DAAM2: variants seen among roughly 807,000 people sequenced by gnomAD.
DAAM2 encodes dishevelled associated activator of morphogenesis 2.
A neutral mutation model predicts 120.7 loss-of-function variants in DAAM2; 39 were observed. The observed-to-expected ratio is 0.32, with a 90% CI of 0.25 to 0.42. The LOEUF (loss-of-function observed/expected upper bound fraction) is 0.42, where lower values mean the gene tolerates loss of function less well. Ranked by LOEUF, DAAM2 falls within the 10% of genes least tolerant of loss-of-function variation. The pLI is 1.00. For synonymous variants in DAAM2, 488 were observed against 524.9 expected (o/e 0.93, Z 0.96); for missense variants, 1,283 against 1,401.7 (o/e 0.92, Z 1.35).
chr6:39,855,546 C>T (rs768075324), intron 1 of DAAM2, among the ~76,000 whole-genome samples: 3 of 152,200 alleles, frequency 2.0e-5, no homozygotes, highest in South Asian at 2.1e-4. Context: ...ACCCAGGCTT[C>T]GCTCTGACTC....
rs954433919 is a variant in DAAM2 at position 39,866,914 on chromosome 6, A to G, written c.429-596A>G. ...ACTAAATTTTAATTAGAAGTTACCA[A>G]AAATAAAAATGTAATTTTCTTTTCC... On this transcript the variant is annotated intron_variant, in intron 5 of 24. Coordinates refer to ENST00000274867, the MANE Select transcript of DAAM2 (RefSeq NM_001201427.2). Among the ~76,000 whole-genome samples the G allele has an allele frequency of 2.6e-5, 4 of 152,268 alleles. No homozygotes were observed. The South Asian group carries it at 6.2e-4, about 24-fold the overall frequency.
At chr6:39,883,580 A>C (rs1195904583) in intron 14 of DAAM2, 1 of 193,972 alleles carries the variant, frequency 5.2e-6, no homozygotes, top group African/African-American at 2.3e-5. Context: ...GGGTGACTCC[A>C]GGCAACCTGC....
At chr6:39,880,700 C>G (rs2149333639) in intron 14 of DAAM2, among the ~76,000 whole-genome samples, 1 of 152,328 alleles carries the variant, frequency 6.6e-6, no homozygotes, top group Admixed American at 6.5e-5. Flanking sequence ...CCCTCTGCCT[C>G]TGGCTTTATA....
At position 39,865,088 on chromosome 6, in the gene DAAM2, C is replaced by A; in HGVS notation, c.428+14C>A. On this transcript the variant is annotated intron_variant, in intron 5 of 24. Coordinates refer to ENST00000274867, the MANE Select transcript of DAAM2 (RefSeq NM_001201427.2). ...ACAGCCTATGAGGTAATTCAGTTTC[C>A]CCCTCTTGCTTCCTGCTGAGTCCCT... is the stretch of plus-strand genomic sequence containing the variant. The A allele has an allele frequency of 6.9e-7, 1 of 1,449,810 alleles. No individual in the cohort carries two copies. Among genetic ancestry groups the A allele is most frequent in the Non-Finnish European group, 9.6e-7 (1 of 1,045,238 alleles). The allele number at this position is 1,449,810 out of a possible 1,614,324, so 89.8% of individuals were successfully genotyped here. A position where few individuals can be genotyped will look rare whatever the true frequency, so the allele number is the denominator to read the frequency against.
rs556010040 is a variant in DAAM2, at chr6:39,883,533, A to G, written c.1846-429A>G. 5 of 163,378 alleles carry G rather than the reference A, an allele frequency of 3.1e-5. 1 individual carries two copies. In the South Asian group the frequency reaches 9.1e-4, roughly 30 times the overall value. 10.1% of individuals were successfully genotyped at this position (163,378 alleles called of 1,614,324 possible). A position where few individuals can be genotyped will look rare whatever the true frequency, so the allele number is the denominator to read the frequency against. On this transcript the variant is annotated intron_variant, in intron 14 of 24. Coordinates refer to ENST00000274867, the MANE Select transcript of DAAM2 (RefSeq NM_001201427.2). ...GCAGCTTTGAGGATCCAAAATATGT[A>G]TGGCTTTAATCTTCCAATGATGGCT...
intron 11 of DAAM2, among the ~76,000 whole-genome samples, chr6:39,875,669 C>T (rs1413954324): frequency 2.0e-5 from 3 of 152,158 alleles, no homozygotes; most frequent in Admixed American, 6.5e-5. Context: ...CCAAATGTGG[C>T]TATGGAGTAC....
At chr6:39,879,550 C>A in intron 14 of DAAM2, 73 bp downstream of exon 14, 1 of 1,592,032 alleles carries the variant, frequency 6.3e-7, no homozygotes, top group Non-Finnish European at 8.6e-7. Flanking sequence ...ACCACCCGCC[C>A]CTTGTTTACA....
intron 1 of DAAM2, among the ~76,000 whole-genome samples, chr6:39,826,519 C>T (rs1011405671): frequency 1.3e-5 from 2 of 152,188 alleles, no homozygotes; most frequent in Non-Finnish European, 1.5e-5. Context: ...CTCAGGTGAT[C>T]GGTTGTGTAG....
chr6:39,867,490 T>C lies in DAAM2; in HGVS notation c.429-20T>C, dbSNP rs1344401686. ...AGAATCATATGCAAATATATGTTTG[T>C]TAATGGCTCTGATTTGTAGGTTTGT... On this transcript the variant is annotated intron_variant, in intron 5 of 24. Coordinates refer to ENST00000274867, the MANE Select transcript of DAAM2 (RefSeq NM_001201427.2). 6.2e-7 allele frequency: 1 copy of C among 1,609,904 alleles called. No individual in the cohort carries two copies. The highest frequency in any genetic ancestry group is 8.5e-7 in the Non-Finnish European group (1 of 1,176,450).
rs1003451070 is a variant in DAAM2, at chr6:39,878,075, C to T, written c.1302-128C>T. On this transcript the variant is annotated intron_variant, in intron 11 of 24. Coordinates refer to ENST00000274867, the MANE Select transcript of DAAM2 (RefSeq NM_001201427.2). The surrounding 1 kb of genome is among the most constrained non-coding windows in gnomAD (Gnocchi z 5.0). ...ACACCTGGGAAGTCTAAATCCTAGC[C>T]CCCTTGATGTGGCTGGACAGATTGG... 4 of 894,610 alleles carry T rather than the reference C, an allele frequency of 4.5e-6. No homozygotes were observed. The highest frequency in any genetic ancestry group is 6.9e-6 in the Non-Finnish European group (4 of 580,044). 55.4% of individuals were successfully genotyped at this position (894,610 alleles called of 1,614,324 possible).
intron 1 of DAAM2, among the ~76,000 whole-genome samples, chr6:39,827,093 T>G (rs368816179): frequency 1.3e-5 from 2 of 152,230 alleles, no homozygotes; most frequent in African/African-American, 4.8e-5. Flanking sequence ...TTGTTTCCAC[T>G]TAAGTAGAAA....
intron 1 of DAAM2, among the ~76,000 whole-genome samples, chr6:39,796,254 C>A (rs576167537): frequency 6.6e-6 from 1 of 152,256 alleles, no homozygotes; most frequent in African/African-American, 2.4e-5. Context: ...TTCAAGTTGA[C>A]ATTTAAGATT....
chr6:39,848,999 C>T (rs1052726417), intron 1 of DAAM2: 2 of 152,126 alleles, frequency 1.3e-5, no homozygotes, highest in Non-Finnish European at 2.9e-5. Flanking sequence ...TAGAGGGCAA[C>T]GCTCTCAATG....
intron 1 of DAAM2, among the ~76,000 whole-genome samples, chr6:39,844,371 G>GACAC (rs58561482): frequency 0.019 from 2,793 of 149,456 alleles, 105 homozygotes; most frequent in East Asian, 0.17. Context: ...ACATCTGCTG[G>GACAC]ACACACACAC....
chr6:39,887,430 A>C, intron 15 of DAAM2, 56 bp from the exon 16 acceptor site: 1 of 1,286,000 alleles, frequency 7.8e-7, no homozygotes, highest in Non-Finnish European at 1.1e-6. Flanking sequence ...CGGGGCGGGT[A>C]AGAGGAGGAT....
chr6:39,812,830 A>G (rs1038664888), intron 1 of DAAM2, among the ~76,000 whole-genome samples: 4 of 152,110 alleles, frequency 2.6e-5, no homozygotes, highest in African/African-American at 9.7e-5. Context: ...CCAGCAATTC[A>G]TTAGTCTTTG....
intron 10 of DAAM2, among the ~76,000 whole-genome samples, chr6:39,873,925 C>T (rs1764766014): frequency 6.6e-6 from 1 of 152,208 alleles, no homozygotes; most frequent in African/African-American, 2.4e-5. Flanking sequence ...AATAGCCACT[C>T]CAGAATGCAA....
intron 2 of DAAM2, 131 bp downstream of exon 2, chr6:39,856,601 C>A: frequency 1.6e-6 from 1 of 613,344 alleles, no homozygotes; most frequent in South Asian, 3.9e-5. Context: ...GGAGATAGGC[C>A]CCCAGGACAC....
At chr6:39,829,981 C>T (rs1019199975) in intron 1 of DAAM2, among the ~76,000 whole-genome samples, 3 of 152,158 alleles carry the variant, frequency 2.0e-5, no homozygotes, top group Admixed American at 6.5e-5. Flanking sequence ...AGTTAGAGAC[C>T]CTTCATCCAT....
Sources: gnomAD v4.1 joint callset for allele counts (sites outside exome capture counted in the v4.1 genomes callset) on GRCh38, gnomAD v4.1.1 for gene constraint, Gnocchi (gnomAD v3.1) non-coding constraint, MANE v1.5 for transcripts, NCBI Gene and HGNC (gene_info 2026-07-23, HGNC 2026-07-21) for gene names.